SULT1A1: variants seen among roughly 807,000 people sequenced by gnomAD.
The protein encoded by SULT1A1 is sulfotransferase family 1A member 1, also known as sulfotransferase 1A1.
Under a neutral mutation model 36.8 loss-of-function variants are expected in SULT1A1, and 35 were observed. The observed-to-expected ratio is 0.95, with a 90% CI of 0.73 to 1.26. SULT1A1 has a LOEUF of 1.26. Ranked by LOEUF, SULT1A1 falls within the 50% of genes most tolerant of loss-of-function variation. SULT1A1 has a pLI of 0.00. For missense variants in SULT1A1, 309 were observed against 383.0 expected (o/e 0.81, Z 1.61); for synonymous variants, 119 against 146.0 (o/e 0.82, Z 1.33).
chr16:28,606,605 G>T lies in SULT1A1; in HGVS notation c.594+156C>A, dbSNP rs1323990721. 2.6e-4 allele frequency among the ~76,000 whole-genome samples: 35 copies of T among 132,984 alleles called. No homozygotes were observed. In the East Asian group the frequency reaches 7.0e-3, roughly 27 times the overall value. 87.2% of individuals were successfully genotyped at this position (132,984 alleles called of 152,430 possible). ...CTGTGTGGGGCCCGCTGCCAGGTGGGGCCTTAGTGGGGAGGCCTGGGCCAA... is the reference window on the plus strand; with the variant it reads ...CTGTGTGGGGCCCGCTGCCAGGTGGTGCCTTAGTGGGGAGGCCTGGGCCAA... On this transcript the variant is annotated intron_variant, in intron 6 of 7. Coordinates refer to ENST00000314752, the MANE Select transcript of SULT1A1 (RefSeq NM_001055.4).
rs2047133119 is a variant in SULT1A1, at chr16:28,605,330, T to G, written c.*491A>C. 3 of 241,482 alleles carry G rather than the reference T, an allele frequency of 1.2e-5. No homozygotes were observed. Among genetic ancestry groups the G allele is most frequent in the South Asian group, 9.5e-5 (2 of 20,968 alleles). 15.0% of individuals were successfully genotyped at this position (241,482 alleles called of 1,614,324 possible). On this transcript the variant is annotated 3_prime_UTR_variant, in exon 8 of 8. Transcript: ENST00000314752. ...CTCTGTCCCTCAGGCTTGAGTGGAT[T>G]AGCCCAGTCAGCCCACTGCAGCCAT...
At chr16:28,620,665 A>G (rs2047633667) in intron 1 of SULT1A1, among the ~76,000 whole-genome samples, 1 of 152,204 alleles carries the variant, frequency 6.6e-6, no homozygotes, top group Admixed American at 6.5e-5. Flanking sequence ...TAAAAGTTAT[A>G]GCAGAACAAT....
chr16:28,610,251 G>GTTTTTT, upstream of SULT1A1: 2 of 583,958 alleles, frequency 3.4e-6, no homozygotes, highest in South Asian at 2.3e-5. Flanking sequence ...GTTTTTGTAG[G>GTTTTTT]TTTTTTTTTT....
intron 1 of SULT1A1, among the ~76,000 whole-genome samples, chr16:28,622,098 A>G (rs1418397098): frequency 1.3e-5 from 2 of 152,074 alleles, no homozygotes; most frequent in Non-Finnish European, 2.9e-5. Context: ...TATGCAACCT[A>G]TGCGCTAGCA....
intron 2 of SULT1A1, among the ~76,000 whole-genome samples, chr16:28,619,010 TATTTC>T (rs1293167425): frequency 6.6e-6 from 1 of 152,198 alleles, no homozygotes; most frequent in Non-Finnish European, 1.5e-5. Flanking sequence ...TCAGAGATAT[TATTTC>T]ATTTCTTTTT....
At chr16:28,610,860 C>G (rs1457128959), upstream of SULT1A1, 2 of 152,356 alleles carry the variant, frequency 1.3e-5, no homozygotes, top group African/African-American at 4.8e-5. Flanking sequence ...CTTTAAAGTC[C>G]AAGGTCAAGC....
chr16:28,610,316 T>A, upstream of SULT1A1: 1 of 900,746 alleles, frequency 1.1e-6, no homozygotes, highest in Non-Finnish European at 1.4e-6. Flanking sequence ...GCTCCTGACC[T>A]GCCCCTGAAC....
rs34126550 is a variant in SULT1A1 at position 28,620,368 on chromosome 16, C to A, written c.68-235G>T. The stretch of plus-strand genomic sequence containing the variant: ...TTGCTTGAGTCCAGGAGTTAAGAGA[C>A]CAGCCTGGGCAACAGGGCAAAACCT... On this transcript the variant is annotated intron_variant, in intron 1 of 5. Coordinates refer to the SULT1A1 transcript ENST00000350842. Among the ~76,000 whole-genome samples, 75 of 151,860 alleles carry A rather than the reference C, an allele frequency of 4.9e-4. 3 individuals carry two copies. The East Asian group carries it at 0.014, about 28-fold the overall frequency.
exon 2 of SULT1A1, chr16:28,620,087 T>G (rs1438019638): frequency 1.2e-6 from 2 of 1,613,362 alleles, no homozygotes; most frequent in South Asian, 1.1e-5. Context: ...AGAATTTCTG[T>G]TTCAGGTCCA....
intron 1 of SULT1A1, among the ~76,000 whole-genome samples, chr16:28,620,516 A>G (rs2151724875): frequency 6.7e-6 from 1 of 149,338 alleles, no homozygotes; most frequent in South Asian, 2.1e-4. Context: ...GTGAGCTGTG[A>G]TCATGCCACT....
At chr16:28,607,148 A>T (rs376487988) in intron 4 of SULT1A1, 71 bp from the exon 5 acceptor site, 63,795 of 1,568,144 alleles carry the variant, frequency 0.041, 1,295 homozygotes, top group East Asian at 0.11. Flanking sequence ...CATCTCTTGG[A>T]TTGGCAAAGG....
At position 28,605,614 on chromosome 16, in the gene SULT1A1, T is replaced by C. The variant is rs575994018; in HGVS notation, c.*207A>G. ...CTCTTTTTAAAAATTGGTTTTATTTTATTTTATTTTTTTAACAGAATCTCA... is the reference window on the plus strand; with the variant it reads ...CTCTTTTTAAAAATTGGTTTTATTTCATTTTATTTTTTTAACAGAATCTCA... On this transcript the variant is annotated 3_prime_UTR_variant, in exon 8 of 8. Coordinates refer to ENST00000314752, the MANE Select transcript of SULT1A1 (RefSeq NM_001055.4). The C allele has an allele frequency of 2.3e-6, 2 of 861,270 alleles. No homozygotes were observed. The highest frequency in any genetic ancestry group is 2.7e-5 in the East Asian group (1 of 37,536). 53.4% of individuals were successfully genotyped at this position (861,270 alleles called of 1,614,324 possible).
upstream of SULT1A1, chr16:28,611,487 A>C (rs1242815013): frequency 6.6e-6 from 1 of 152,280 alleles, no homozygotes; most frequent in Non-Finnish European, 1.5e-5. Context: ...TTGGGTGTAA[A>C]TTGTGGCACC....
intron 2 of SULT1A1, among the ~76,000 whole-genome samples, chr16:28,619,009 T>C (rs1019920686): frequency 6.6e-6 from 1 of 152,160 alleles, no homozygotes; most frequent in Non-Finnish European, 1.5e-5. Flanking sequence ...TTCAGAGATA[T>C]TATTTCATTT....
intron 1 of SULT1A1, 114 bp from the exon 2 acceptor site, chr16:28,608,973 C>T (rs2047340922): frequency 1.3e-6 from 2 of 1,595,226 alleles, no homozygotes; most frequent in South Asian, 1.1e-5. Flanking sequence ...AGTGACTTGC[C>T]CGCACTCACA....
upstream of SULT1A1, chr16:28,611,223 G>C (rs1422749439): frequency 6.6e-6 from 1 of 152,194 alleles, no homozygotes; most frequent in Non-Finnish European, 1.5e-5. Flanking sequence ...GAGATTAATA[G>C]AGTGGTAGCA....
intron 1 of SULT1A1, 88 bp downstream of exon 1, chr16:28,609,843 G>T: frequency 8.4e-7 from 1 of 1,184,020 alleles, no homozygotes; most frequent in Non-Finnish European, 1.1e-6. Context: ...GAAAGGGCAG[G>T]GATGCCAGAG....
intron 6 of SULT1A1, 64 bp from the exon 7 acceptor site, chr16:28,606,300 C>A (rs1277743837): frequency 1.2e-6 from 2 of 1,609,532 alleles, no homozygotes; most frequent in East Asian, 4.5e-5. Context: ...TAAAAGGGGT[C>A]CCCTTCTCTA....
chr16:28,617,698 T>G (rs2047572994), intron 2 of SULT1A1, among the ~76,000 whole-genome samples: 2 of 152,026 alleles, frequency 1.3e-5, no homozygotes, highest in Non-Finnish European at 2.9e-5. Context: ...CCCGCCACCA[T>G]GCCTGGCTAA....
Sources: gnomAD v4.1 joint callset for allele counts (sites outside exome capture counted in the v4.1 genomes callset) on GRCh38, gnomAD v4.1.1 for gene constraint, MANE v1.5 for transcripts, NCBI Gene and HGNC (gene_info 2026-07-23, HGNC 2026-07-21) for gene names.